The following DENND5B variants were observed in gnomAD, a reference collection of about 807,000 sequenced individuals.
DENND5B encodes the protein DENN domain containing 5B.
Under a neutral mutation model 140.6 loss-of-function variants are expected in DENND5B, and 34 were observed. The observed-to-expected ratio is 0.24, with a 90% CI of 0.18 to 0.32. DENND5B has a LOEUF of 0.32. DENND5B is among the 10% of genes least tolerant of loss of function. The probability of loss-of-function intolerance (pLI) is 1.00; values close to 1 mark genes in which losing one functional copy is unlikely to be tolerated. For missense variants in DENND5B, 1,142 were observed against 1,560.2 expected (o/e 0.73, Z 4.52); for synonymous variants, 551 against 562.1 (o/e 0.98, Z 0.28).
At chr12:31,539,136 A>G (rs1408400265) in intron 1 of DENND5B, among the ~76,000 whole-genome samples, 2 of 152,144 alleles carry the variant, frequency 1.3e-5, no homozygotes, top group Admixed American at 1.3e-4. Flanking sequence ...GAAAATCTAG[A>G]GAAAATGGAT....
intron 11 of DENND5B, among the ~76,000 whole-genome samples, chr12:31,420,733 C>T (rs754818485): frequency 5.3e-5 from 8 of 152,050 alleles, no homozygotes; most frequent in Non-Finnish European, 1.2e-4. Flanking sequence ...CATGAGCCAC[C>T]ACACTCAGTC....
intron 4 of DENND5B, among the ~76,000 whole-genome samples, chr12:31,459,429 A>C: frequency 6.6e-6 from 1 of 152,114 alleles, no homozygotes; most frequent in African/African-American, 2.4e-5. Flanking sequence ...ACCTGGGACT[A>C]CAGGTGTGTG....
intron 1 of DENND5B, among the ~76,000 whole-genome samples, chr12:31,532,473 G>A (rs1421162101): frequency 6.6e-6 from 1 of 152,094 alleles, no homozygotes; most frequent in Non-Finnish European, 1.5e-5. Context: ...GACCAGGCAG[G>A]GAGGGGGAAA....
At chr12:31,492,129 T>TA (rs1030059352) in intron 2 of DENND5B, among the ~76,000 whole-genome samples, 6 of 152,028 alleles carry the variant, frequency 3.9e-5, no homozygotes, top group East Asian at 1.9e-4. Context: ...TTTGCAGCAA[T>TA]AAAAAAAATG....
chr12:31,497,128 T>C (rs1335780623), intron 1 of DENND5B, among the ~76,000 whole-genome samples: 2 of 150,174 alleles, frequency 1.3e-5, no homozygotes, highest in African/African-American at 4.9e-5. Context: ...CACCTTGGAA[T>C]GCAAAACAGA....
intron 1 of DENND5B, among the ~76,000 whole-genome samples, chr12:31,572,122 G>A (rs1464115676): frequency 6.6e-6 from 1 of 152,124 alleles, no homozygotes; most frequent in East Asian, 1.9e-4. Flanking sequence ...TACTTGGGAG[G>A]CTGAAGCAGG....
At chr12:31,411,354 T>C (rs1431115541) in intron 13 of DENND5B, among the ~76,000 whole-genome samples, 2 of 147,444 alleles carry the variant, frequency 1.4e-5, no homozygotes, top group Admixed American at 6.8e-5. Context: ...TTTTTTTTTT[T>C]TTTTTGAGAC....
At chr12:31,557,440 A>T (rs1949325266) in intron 1 of DENND5B, among the ~76,000 whole-genome samples, 2 of 151,816 alleles carry the variant, frequency 1.3e-5, no homozygotes, top group African/African-American at 2.4e-5. Flanking sequence ...GTGCAGTGGC[A>T]TGCTCATGGC....
At chr12:31,438,441 G>A (rs931364715) in intron 7 of DENND5B, among the ~76,000 whole-genome samples, 2 of 152,132 alleles carry the variant, frequency 1.3e-5, no homozygotes, top group African/African-American at 4.8e-5. Flanking sequence ...CTTAAGAAGA[G>A]GAGTAGGTTT....
chr12:31,398,215 AGCCGTG>A lies in DENND5B; in HGVS notation c.3210_3215del (p.Thr1071_Ala1072del). On this transcript the variant is annotated inframe_deletion, in exon 17 of 21. Transcript: ENST00000389082. The stretch of plus-strand genomic sequence containing the variant: ...TCAGTGAAGTGATGCTCAATCTCCT[AGCCGTG>A]GTGGGTGACTTCTGCTGGGGTGGAG... 1 of 1,605,308 alleles carries A rather than the reference AGCCGTG, an allele frequency of 6.2e-7. No individual in the cohort carries two copies. Among genetic ancestry groups the A allele is most frequent in the Non-Finnish European group, 8.5e-7 (1 of 1,176,074 alleles).
At chr12:31,548,786 T>C (rs80187307) in intron 1 of DENND5B, among the ~76,000 whole-genome samples, 3,124 of 152,294 alleles carry the variant, frequency 0.021, 57 homozygotes, top group South Asian at 0.052. Flanking sequence ...TATGTATTTT[T>C]CTAAGGTCAG....
chr12:31,496,876 A>G (rs1020471669), intron 1 of DENND5B, among the ~76,000 whole-genome samples: 3 of 152,160 alleles, frequency 2.0e-5, no homozygotes, highest in Non-Finnish European at 4.4e-5. Flanking sequence ...TAAATTCCCA[A>G]TGTCAAAAAT....
At chr12:31,480,317 A>C in intron 2 of DENND5B, 62 bp from the exon 3 acceptor site, 2 of 1,356,922 alleles carry the variant, frequency 1.5e-6, no homozygotes, top group Non-Finnish European at 1.9e-6. Flanking sequence ...AGCCAGAAAT[A>C]AATGTTGTTT....
chr12:31,390,693 G>A (rs1266772409), intron 19 of DENND5B, among the ~76,000 whole-genome samples: 1 of 151,018 alleles, frequency 6.6e-6, no homozygotes. Context: ...GTGGCTAATG[G>A]TTACTATACT....
intron 11 of DENND5B, among the ~76,000 whole-genome samples, chr12:31,420,423 C>T (rs1269819101): frequency 6.7e-6 from 1 of 150,048 alleles, no homozygotes; most frequent in South Asian, 2.1e-4. Context: ...AGAACTGGGT[C>T]ACCATATCCA....
At chr12:31,480,858 G>C (rs979627986) in intron 2 of DENND5B, among the ~76,000 whole-genome samples, 1 of 152,094 alleles carries the variant, frequency 6.6e-6, no homozygotes, top group Non-Finnish European at 1.5e-5. Flanking sequence ...ATCTACTAAA[G>C]CAGAAGCACA....
chr12:31,447,985 C>G (rs1944343714), intron 5 of DENND5B, among the ~76,000 whole-genome samples: 1 of 152,148 alleles, frequency 6.6e-6, no homozygotes, highest in African/African-American at 2.4e-5. Flanking sequence ...TCTTACCTTA[C>G]AAAATTTACA....
rs1471364848 is a variant in DENND5B at position 31,386,126 on chromosome 12, G to C, written c.*1477C>G. The C allele has an allele frequency of 1.9e-5, 3 of 154,540 alleles. No homozygotes were observed. The highest frequency in any genetic ancestry group is 2.9e-5 in the Non-Finnish European group (2 of 68,234). 9.6% of individuals were successfully genotyped at this position (154,540 alleles called of 1,614,324 possible). A position where few individuals can be genotyped will look rare whatever the true frequency, so the allele number is the denominator to read the frequency against. ...TCCAGGAAATAAGGTTAACAACACA[G>C]GTGGTGAAAGCCCAGCAACCTCCGA... is the stretch of plus-strand genomic sequence containing the variant. On this transcript the variant is annotated 3_prime_UTR_variant, in exon 21 of 21. Coordinates refer to ENST00000389082, the MANE Select transcript of DENND5B (RefSeq NM_144973.4).
intron 1 of DENND5B, among the ~76,000 whole-genome samples, chr12:31,566,542 G>A (rs1949638857): frequency 6.6e-6 from 1 of 152,076 alleles, no homozygotes. Flanking sequence ...GCAGAGGTGG[G>A]AGGATCACTT....
Sources: allele counts gnomAD v4.1 joint callset (sites outside exome capture counted in the v4.1 genomes callset), GRCh38; gene constraint gnomAD v4.1.1; transcripts MANE v1.5; gene names NCBI Gene and HGNC (gene_info 2026-07-23, HGNC 2026-07-21).